The following DTD1 variants were observed in gnomAD, a reference collection of about 807,000 sequenced individuals.
DTD1 encodes D-tyrosyl-tRNA deacylase 1 homolog.
A neutral mutation model predicts 25.6 loss-of-function variants in DTD1; 13 were observed. That is an observed-to-expected ratio of 0.51 (90% confidence interval 0.33 to 0.81). The LOEUF (loss-of-function observed/expected upper bound fraction) is 0.81. Ranked by LOEUF, DTD1 falls within the 30% of genes least tolerant of loss-of-function variation. The pLI is 0.02. For missense variants in DTD1, 193 were observed against 266.4 expected (o/e 0.72, Z 1.92); for synonymous variants, 110 against 103.6 (o/e 1.06, Z -0.37).
At chr20:18,748,824 T>C (rs992402611) in intron 5 of DTD1, among the ~76,000 whole-genome samples, 2 of 152,192 alleles carry the variant, frequency 1.3e-5, no homozygotes, top group African/African-American at 2.4e-5. Flanking sequence ...TTAGGTAGCA[T>C]AGAACTTGGG....
rs2060791835 is a variant in DTD1, at chr20:18,632,343, C to CTT, written c.477+4110_477+4111insTT. On this transcript the variant is annotated intron_variant, in intron 4 of 5. Transcript: ENST00000377452. ...GGACCAGTTTCCTGGCCCCCAGAAG[C>CTT]CTCAGACCCTGAACATTGCACTGCG... is the stretch of plus-strand genomic sequence containing the variant. The CTT allele has an allele frequency of 3.0e-6, 3 of 985,294 alleles. No individual in the cohort carries two copies. In the African/African-American group the frequency reaches 5.2e-5, roughly 17 times the overall value. 61.0% of individuals were successfully genotyped at this position (985,294 alleles called of 1,614,324 possible). A position where few individuals can be genotyped will look rare whatever the true frequency, so the allele number is the denominator to read the frequency against.
chr20:18,736,559 A>C (rs1393287693), intron 4 of DTD1, among the ~76,000 whole-genome samples: 1 of 152,184 alleles, frequency 6.6e-6, no homozygotes, highest in Non-Finnish European at 1.5e-5. Flanking sequence ...TTCCCTGTTG[A>C]TCTGGTGCTT....
At chr20:18,709,821 C>T (rs2061151280) in intron 4 of DTD1, among the ~76,000 whole-genome samples, 1 of 151,860 alleles carries the variant, frequency 6.6e-6, no homozygotes, top group South Asian at 2.1e-4. Context: ...ACCTTCATGC[C>T]CAGAAGTTAG....
At chr20:18,726,739 C>A (rs570104177) in intron 4 of DTD1, among the ~76,000 whole-genome samples, 41 of 152,290 alleles carry the variant, frequency 2.7e-4, no homozygotes, top group African/African-American at 7.5e-4. Context: ...CCCTTGCCCC[C>A]TTTCTTGGGG....
chr20:18,746,601 G>A (rs1215658454), intron 5 of DTD1, among the ~76,000 whole-genome samples: 3 of 152,174 alleles, frequency 2.0e-5, no homozygotes, highest in Non-Finnish European at 4.4e-5. Context: ...AAGCTGAGGT[G>A]GGAGGATTGC....
chr20:18,696,203 T>G (rs1242789407), intron 4 of DTD1, among the ~76,000 whole-genome samples: 3 of 152,138 alleles, frequency 2.0e-5, no homozygotes, highest in African/African-American at 7.2e-5. Flanking sequence ...GCGAGGGGAA[T>G]GTGGGCCTCA....
intron 3 of DTD1, among the ~76,000 whole-genome samples, chr20:18,600,339 A>G (rs371937298): frequency 6.6e-6 from 1 of 152,188 alleles, no homozygotes; most frequent in African/African-American, 2.4e-5. Context: ...CAGTTATTCC[A>G]ACATCATTTG....
intron 4 of DTD1, among the ~76,000 whole-genome samples, chr20:18,690,765 G>A (rs2061042890): frequency 6.6e-6 from 1 of 151,874 alleles, no homozygotes; most frequent in South Asian, 2.1e-4. Flanking sequence ...ATAGTTTAAT[G>A]TCAGGTAATG....
At position 18,589,051 on chromosome 20, in the gene DTD1, T is replaced by C. The variant is rs185559419; in HGVS notation, c.43+936T>C. ...ATGCGTTCTTGTGTCCACAAAAGTA[T>C]GAATTAAAAACAAAACAGGCCGGGG... is the stretch of plus-strand genomic sequence containing the variant. On this transcript the variant is annotated intron_variant, in intron 1 of 5. Coordinates refer to ENST00000377452, the MANE Select transcript of DTD1 (RefSeq NM_080820.6). Among the ~76,000 whole-genome samples the C allele has an allele frequency of 3.5e-3, 528 of 152,246 alleles. 1 individual carries two copies. Among genetic ancestry groups the C allele is most frequent in the African/African-American group, 0.012 (486 of 41,552 alleles).
intron 4 of DTD1, among the ~76,000 whole-genome samples, chr20:18,706,644 A>T (rs934583051): frequency 6.6e-6 from 1 of 152,210 alleles, no homozygotes; most frequent in African/African-American, 2.4e-5. Flanking sequence ...GTTGCCTCTG[A>T]GGAGCTGGAT....
chr20:18,740,315 T>TTTTTGTTTTG (rs928038619), intron 4 of DTD1, among the ~76,000 whole-genome samples: 1 of 152,228 alleles, frequency 6.6e-6, no homozygotes, highest in Non-Finnish European at 1.5e-5. Flanking sequence ...TTTTGTTTTT[T>TTTTTGTTTTG]TTTTGTTTTG....
At chr20:18,697,231 C>CAA (rs201290920) in intron 4 of DTD1, among the ~76,000 whole-genome samples, 1 of 122,752 alleles carries the variant, frequency 8.1e-6, no homozygotes. Flanking sequence ...GACTCTGTCT[C>CAA]AAAAAACAAA....
chr20:18,731,706 C>G (rs1600395182), intron 4 of DTD1, among the ~76,000 whole-genome samples: 1 of 152,322 alleles, frequency 6.6e-6, no homozygotes, highest in Non-Finnish European at 1.5e-5. Context: ...CTTTCCCTCT[C>G]TCCATCATTG....
intron 4 of DTD1, among the ~76,000 whole-genome samples, chr20:18,724,823 A>C (rs1394689398): frequency 2.0e-5 from 3 of 152,240 alleles, no homozygotes; most frequent in Non-Finnish European, 4.4e-5. Flanking sequence ...TCTGTGTAAG[A>C]TTTCCAAGAG....
intron 3 of DTD1, among the ~76,000 whole-genome samples, chr20:18,605,006 T>C: frequency 2.4e-5 from 1 of 41,444 alleles, no homozygotes; most frequent in Admixed American, 2.5e-4. Flanking sequence ...GCAGATGACA[T>C]GATTGTATAT....
chr20:18,590,984 G>A (rs764642060), intron 1 of DTD1, among the ~76,000 whole-genome samples: 3 of 152,164 alleles, frequency 2.0e-5, no homozygotes, highest in Non-Finnish European at 2.9e-5. Context: ...AACTTCAAAG[G>A]TTATGAATTC....
intron 4 of DTD1, among the ~76,000 whole-genome samples, chr20:18,707,085 T>G (rs2061129607): frequency 6.6e-6 from 1 of 152,200 alleles, no homozygotes; most frequent in Non-Finnish European, 1.5e-5. Context: ...CCCCTGTAAC[T>G]TGCCACTTTT....
At chr20:18,588,613 C>G in intron 1 of DTD1, 3 of 463,736 alleles carry the variant, frequency 6.5e-6, no homozygotes, top group Non-Finnish European at 8.5e-6. Flanking sequence ...AGAGTTGCTC[C>G]TTGGGCTGAG....
At chr20:18,594,783 G>T (rs148675647) in intron 2 of DTD1, among the ~76,000 whole-genome samples, 2 of 152,160 alleles carry the variant, frequency 1.3e-5, no homozygotes, top group African/African-American at 4.8e-5. Context: ...TGGTAGAGTG[G>T]TGTAATGGCT....
Sources: allele counts gnomAD v4.1 joint callset (sites outside exome capture counted in the v4.1 genomes callset), GRCh38; gene constraint gnomAD v4.1.1; transcripts MANE v1.5; gene names NCBI Gene and HGNC (gene_info 2026-07-23, HGNC 2026-07-21).